Variants in ARHGAP25 observed in about 807,000 individuals in gnomAD.
ARHGAP25 encodes the protein rho GTPase-activating protein 25.
ARHGAP25 carries 34 observed loss-of-function variants against 71.0 expected under a neutral mutation model. That is an observed-to-expected ratio of 0.48 (90% CI 0.36 to 0.64). The LOEUF (loss-of-function observed/expected upper bound fraction) is 0.64, where lower values mean the gene tolerates loss of function less well. ARHGAP25 is among the 30% of genes least tolerant of loss of function. ARHGAP25 has a pLI of 0.00. For synonymous variants in ARHGAP25, 282 were observed against 296.5 expected, an observed-to-expected ratio of 0.95 and a Z score of 0.50; for missense variants, 706 against 805.1, an observed-to-expected ratio of 0.88 and a Z score of 1.49.
At chr2:68,738,095 C>T (rs1343947086) in intron 1 of ARHGAP25, among the ~76,000 whole-genome samples, 1 of 152,162 alleles carries the variant, frequency 6.6e-6, no homozygotes, top group Non-Finnish European at 1.5e-5. Context: ...AAATGCAGAA[C>T]AAACAGTCTT....
intron 7 of ARHGAP25, among the ~76,000 whole-genome samples, chr2:68,817,582 C>T (rs1314957039): frequency 6.6e-6 from 1 of 152,172 alleles, no homozygotes; most frequent in Non-Finnish European, 1.5e-5. Context: ...TTTACCTTTT[C>T]TAGTCCAGTC....
Position 68,775,274 on chromosome 2 carries a change from T to C in ARHGAP25, c.115T>C (p.Ser39Pro). Residue 39 changes from serine to proline, a missense_variant, in exon 2 of 11, where the codon TCC becomes CCC. Coordinates refer to ENST00000409202, the MANE Select transcript of ARHGAP25 (RefSeq NM_001007231.3). The part of the protein sequence containing the change: ...GEQMAAFHPS[S>P]TPNPLERPIK... ...GCAGATGGCTGCCTTCCATCCATCG[T>C]CCACCCCCAACCCGCTGGAGAGGCC... is the stretch of plus-strand genomic sequence containing the variant. 1 of 1,614,246 alleles carries C rather than the reference T, an allele frequency of 6.2e-7. No homozygotes were observed.
At chr2:68,802,503 G>A (rs1680052919) in intron 4 of ARHGAP25, among the ~76,000 whole-genome samples, 2 of 151,944 alleles carry the variant, frequency 1.3e-5, no homozygotes, top group South Asian at 2.1e-4. Flanking sequence ...TGCTAATTGG[G>A]TTAGTTAAGT....
intron 6 of ARHGAP25, among the ~76,000 whole-genome samples, chr2:68,815,519 C>T (rs991631064): frequency 1.9e-4 from 26 of 138,162 alleles, no homozygotes; most frequent in Non-Finnish European, 3.6e-4. Flanking sequence ...GGCGCGATCT[C>T]AGCTCACTGC....
chr2:68,736,875 A>G (rs1209568910), intron 1 of ARHGAP25, among the ~76,000 whole-genome samples: 1 of 152,130 alleles, frequency 6.6e-6, no homozygotes, highest in Non-Finnish European at 1.5e-5. Flanking sequence ...CACCTGAGGA[A>G]GAATTCCTGC....
intron 6 of ARHGAP25, among the ~76,000 whole-genome samples, chr2:68,814,153 A>G (rs974580529): frequency 6.6e-6 from 1 of 152,262 alleles, no homozygotes; most frequent in Non-Finnish European, 1.5e-5. Context: ...TATATCGACT[A>G]TGTTAAAAGC....
chr2:68,712,215 C>T (rs762538813), intron 2 of ARHGAP25, among the ~76,000 whole-genome samples: 3 of 152,250 alleles, frequency 2.0e-5, no homozygotes, highest in Admixed American at 6.5e-5. Context: ...TTCTAACTGG[C>T]GTGAGATGGT....
chr2:68,739,929 A>G (rs1475601821), intron 1 of ARHGAP25, among the ~76,000 whole-genome samples: 5 of 152,338 alleles, frequency 3.3e-5, no homozygotes, highest in Middle Eastern at 3.4e-3. Flanking sequence ...AATGATACCC[A>G]TAGGTCTGGC....
In ARHGAP25 at chr2:68,817,963, G is replaced by A. The variant is rs1681351654; in HGVS notation, c.972G>A (p.Ser324=). 6.2e-6 allele frequency: 10 copies of A among 1,614,018 alleles called. No individual in the cohort carries two copies. Among genetic ancestry groups the A allele is most frequent in the Admixed American group, 1.7e-5 (1 of 60,002 alleles). Residue 324 remains serine, a synonymous_variant, in exon 8 of 11, where the codon TCG becomes TCA. Transcript: ENST00000409202. ...ATVIGVNLIR[S]KVEDPAVIMR... is the part of the protein sequence containing the mutation. ...TGATTGGTGTGAATCTCATCAGGTCGAAGGTCGAAGACCCTGCCGTGATCA... is the reference window on the plus strand; with the variant it reads ...TGATTGGTGTGAATCTCATCAGGTCAAAGGTCGAAGACCCTGCCGTGATCA...
At chr2:68,773,433 A>G (rs550057777) in intron 1 of ARHGAP25, among the ~76,000 whole-genome samples, 1 of 152,348 alleles carries the variant, frequency 6.6e-6, no homozygotes, top group South Asian at 2.1e-4. Context: ...TCTTATTTAT[A>G]AGTGGGAGCT....
At chr2:68,813,984 C>T (rs1681018725) in intron 6 of ARHGAP25, among the ~76,000 whole-genome samples, 1 of 152,184 alleles carries the variant, frequency 6.6e-6, no homozygotes, top group South Asian at 2.1e-4. Flanking sequence ...TCTAGAGAGG[C>T]CTTATAGTCA....
intron 1 of ARHGAP25, among the ~76,000 whole-genome samples, chr2:68,738,525 C>T (rs1023820023): frequency 6.6e-6 from 1 of 152,114 alleles, no homozygotes; most frequent in Non-Finnish European, 1.5e-5. Flanking sequence ...ACCAGACCAG[C>T]CTGGGTTATG....
chr2:68,814,800 A>T (rs1681080072), intron 6 of ARHGAP25, among the ~76,000 whole-genome samples: 2 of 152,228 alleles, frequency 1.3e-5, no homozygotes, highest in Non-Finnish European at 2.9e-5. Context: ...AAAGGAAGAG[A>T]ACATGATACA....
chr2:68,734,678 A>G (rs902842931), upstream of ARHGAP25, among the ~76,000 whole-genome samples: 8 of 152,190 alleles, frequency 5.3e-5, no homozygotes, highest in African/African-American at 1.7e-4. Flanking sequence ...AAGCATTTCC[A>G]AAAACCATTT....
rs1404742572 is a variant in ARHGAP25, at chr2:68,767,533, C to A, written c.62-7688C>A. Among the ~76,000 whole-genome samples, 1 of 152,074 alleles carries A rather than the reference C, an allele frequency of 6.6e-6. No homozygotes were observed. The highest frequency in any genetic ancestry group is 1.9e-4 in the East Asian group (1 of 5,198). ...ATGCCAGGTCTGCTGTTTCAGAGAG[C>A]TCCCCAGTCGGCTCCTTCCTCAGCT... On this transcript the variant is annotated intron_variant, in intron 1 of 10. Transcript: ENST00000409202. This position sits in a 1 kb window ranked among gnomAD's most constrained non-coding sequence, Gnocchi z 4.6.
At chr2:68,799,011 G>C (rs2104424965) in intron 4 of ARHGAP25, among the ~76,000 whole-genome samples, 1 of 152,324 alleles carries the variant, frequency 6.6e-6, no homozygotes, top group Non-Finnish European at 1.5e-5. Context: ...GGAGGTGGCA[G>C]ATCAGAATGA....
chr2:68,775,449 T>C (rs1264505294), intron 2 of ARHGAP25, 29 bp downstream of exon 2: 1 of 1,613,810 alleles, frequency 6.2e-7, no homozygotes, highest in Non-Finnish European at 8.5e-7. Flanking sequence ...GTCCCGTTCA[T>C]AAGGCACGGA....
intron 1 of ARHGAP25, among the ~76,000 whole-genome samples, chr2:68,735,698 A>G (rs560308726): frequency 6.6e-6 from 1 of 152,342 alleles, no homozygotes; most frequent in South Asian, 2.1e-4. Flanking sequence ...GTCAAGGTGT[A>G]TTAAAAGGTA....
chr2:68,766,072 A>G (rs1216499948), intron 1 of ARHGAP25, among the ~76,000 whole-genome samples: 1 of 152,228 alleles, frequency 6.6e-6, no homozygotes, highest in Non-Finnish European at 1.5e-5. Flanking sequence ...ATCCTAATGC[A>G]CTTATTTATT....
Sources: gnomAD v4.1 joint callset for allele counts (sites outside exome capture counted in the v4.1 genomes callset) on GRCh38, gnomAD v4.1.1 for gene constraint, Gnocchi (gnomAD v3.1) non-coding constraint, MANE v1.5 for transcripts, NCBI Gene and HGNC (gene_info 2026-07-23, HGNC 2026-07-21) for gene names.